The following SCLT1 variants were observed in gnomAD, a reference collection of about 807,000 sequenced individuals.
The protein encoded by SCLT1 is sodium channel-associated protein 1.
In SCLT1, 78 loss-of-function variants were observed where a neutral mutation model predicts 112.8. The ratio of observed to expected loss-of-function variants is 0.69; its 90% CI spans 0.58 to 0.83. SCLT1 has a LOEUF of 0.83. Among genes scored for constraint, SCLT1 ranks in the 40% least tolerant of loss-of-function variants. The pLI is 0.00. For missense variants in SCLT1, 747 were observed against 770.4 expected (o/e 0.97, Z 0.36); for synonymous variants, 257 against 254.7 (o/e 1.01, Z -0.09).
Position 128,897,945 on chromosome 4 carries a change from A to G in SCLT1, c.1830-6808T>C, listed in dbSNP as rs571120336. ...CAAAGAAGGCCATTACATAATGGTA[A>G]AGGGATCAACTCAACAAGAAGAGCT... On this transcript the variant is annotated intron_variant, in intron 18 of 20. Coordinates refer to ENST00000281142, the MANE Select transcript of SCLT1 (RefSeq NM_144643.4). Among the ~76,000 whole-genome samples, 291 of 152,336 alleles carry G rather than the reference A, an allele frequency of 1.9e-3. 1 individual carries two copies. Among genetic ancestry groups the G allele is most frequent in the Non-Finnish European group, 3.2e-3 (216 of 68,030 alleles).
At chr4:128,887,466 A>G (rs1039096770) in intron 20 of SCLT1, among the ~76,000 whole-genome samples, 3 of 152,150 alleles carry the variant, frequency 2.0e-5, no homozygotes, top group Admixed American at 1.3e-4. Flanking sequence ...TGGCTTTACT[A>G]TGTATAAAAT....
At chr4:128,943,340 G>A in intron 16 of SCLT1, 152 bp from the exon 17 acceptor site, 1 of 563,370 alleles carries the variant, frequency 1.8e-6, no homozygotes, top group Non-Finnish European at 3.0e-6. Context: ...GTTTCAAAAT[G>A]TTATGTTATA....
chr4:128,973,564 C>G (rs1411425509), intron 9 of SCLT1, among the ~76,000 whole-genome samples: 1 of 151,830 alleles, frequency 6.6e-6, no homozygotes, highest in Non-Finnish European at 1.5e-5. Flanking sequence ...ACAACTATAT[C>G]TTGATATTTT....
chr4:129,011,838 T>C (rs1262574380), intron 5 of SCLT1, among the ~76,000 whole-genome samples: 1 of 152,166 alleles, frequency 6.6e-6, no homozygotes, highest in Non-Finnish European at 1.5e-5. Flanking sequence ...GTGTTCATAA[T>C]ATTATTTGAT....
At chr4:129,044,721 T>C (rs987820643) in intron 2 of SCLT1, among the ~76,000 whole-genome samples, 2 of 151,624 alleles carry the variant, frequency 1.3e-5, no homozygotes, top group African/African-American at 2.4e-5. Context: ...TACAACTTCA[T>C]TGCACTCAAA....
chr4:129,008,743 TA>T (rs1474640008), intron 5 of SCLT1, among the ~76,000 whole-genome samples: 1 of 152,150 alleles, frequency 6.6e-6, no homozygotes, highest in Non-Finnish European at 1.5e-5. Flanking sequence ...AGGTTTGTTG[TA>T]CAGATTATTT....
intron 18 of SCLT1, among the ~76,000 whole-genome samples, chr4:128,896,977 A>C (rs1239567296): frequency 2.6e-5 from 4 of 152,184 alleles, no homozygotes; most frequent in African/African-American, 9.7e-5. Flanking sequence ...TTAGAGAAAA[A>C]AGAATAAAAA....
At position 129,093,181 on chromosome 4, in the gene SCLT1, C is replaced by T. The variant is rs1753010806; in HGVS notation, c.-78G>A. 1 of 1,366,962 alleles carries T rather than the reference C, an allele frequency of 7.3e-7. No homozygotes were observed. Among genetic ancestry groups the T allele is most frequent in the Non-Finnish European group, 1.0e-6 (1 of 956,604 alleles). 84.7% of individuals were successfully genotyped at this position (1,366,962 alleles called of 1,614,324 possible). On this transcript the variant is annotated 5_prime_UTR_variant, in exon 1 of 21. Transcript: ENST00000281142. The stretch of plus-strand genomic sequence containing the variant: ...ACAGAGAGCTTGCTGTGCGGGAAAA[C>T]AAAACTAAGCCAACGCTCGGTTGGT...
intron 16 of SCLT1, among the ~76,000 whole-genome samples, 165 bp downstream of exon 16, chr4:128,945,842 C>T (rs559764356): frequency 1.1e-4 from 16 of 151,888 alleles, no homozygotes; most frequent in African/African-American, 3.1e-4. Flanking sequence ...TGCAGAAATT[C>T]GCTTTCAGAA....
chr4:129,075,440 A>C (rs1751380177), intron 2 of SCLT1, among the ~76,000 whole-genome samples: 1 of 152,264 alleles, frequency 6.6e-6, no homozygotes, highest in East Asian at 1.9e-4. Flanking sequence ...TAAATCATCA[A>C]TCTCCTAGCA....
At chr4:129,013,864 T>A (rs1023483146) in intron 5 of SCLT1, among the ~76,000 whole-genome samples, 3 of 152,178 alleles carry the variant, frequency 2.0e-5, no homozygotes, top group African/African-American at 7.2e-5. Context: ...TCAAGCTAGG[T>A]TGGGTAAGTT....
Position 128,959,673 on chromosome 4 carries a change from T to C in SCLT1, c.974A>G (p.Glu325Gly). 1 of 1,613,504 alleles carries C rather than the reference T, an allele frequency of 6.2e-7. No individual in the cohort carries two copies. Among genetic ancestry groups the C allele is most frequent in the Non-Finnish European group, 8.5e-7 (1 of 1,179,582 alleles). The part of the protein sequence containing the change: ...LQAKCNELEN[E>G]RYEAIVRARN... ...GGCTCTTACAATAGCCTCATATCTC[T>C]CATTTTCTAATTCATTGCACTTTGC... Residue 325 changes from glutamate (E) to glycine (G), a missense_variant, in exon 12 of 21, where the codon GAG (glutamate) becomes GGG (glycine). By Grantham distance (98) the Glu-to-Gly change is moderately conservative. This residue lies in a region of SCLT1 where 723 missense variants were observed against 721.3 expected (regional missense o/e 1.00). Transcript: ENST00000281142.
rs116703606 is a variant in SCLT1 at position 129,010,971 on chromosome 4, G to A, written c.291-7095C>T. 9.6e-3 allele frequency among the ~76,000 whole-genome samples: 1,465 copies of A among 152,290 alleles called. 18 individuals are homozygous for A. Among genetic ancestry groups the A allele is most frequent in the African/African-American group, 0.028 (1,176 of 41,556 alleles). ...CAATACTATGTCAAATAGGAGTGGC[G>A]AGAAAGGGCATCCTTGTCTTGTGCC... On this transcript the variant is annotated intron_variant, in intron 5 of 20. Coordinates refer to ENST00000281142, the MANE Select transcript of SCLT1 (RefSeq NM_144643.4).
rs535071689 is a variant in SCLT1, at chr4:128,924,696, G to T, written c.1829+11959C>A. On this transcript the variant is annotated intron_variant, in intron 18 of 20. Transcript: ENST00000281142. Reference sequence around the variant, plus strand: ...ATATTTTATTGTTTTCCTTTTTTATGCTTAGGTCTATGATTCATTTCAGGT... The same window carrying T: ...ATATTTTATTGTTTTCCTTTTTTATTCTTAGGTCTATGATTCATTTCAGGT... 6.2e-4 allele frequency among the ~76,000 whole-genome samples: 94 copies of T among 152,028 alleles called. 1 individual carries two copies. Among genetic ancestry groups the T allele is most frequent in the African/African-American group, 2.2e-3 (90 of 41,468 alleles).
chr4:128,892,378 T>A (rs942232805), intron 18 of SCLT1, among the ~76,000 whole-genome samples: 5 of 152,332 alleles, frequency 3.3e-5, no homozygotes, highest in African/African-American at 1.2e-4. Flanking sequence ...GATTTCTGTA[T>A]CATTATTTCC....
chr4:128,975,229 C>T (rs570339000), intron 9 of SCLT1, among the ~76,000 whole-genome samples: 16 of 151,626 alleles, frequency 1.1e-4, no homozygotes, highest in African/African-American at 3.4e-4. Flanking sequence ...TCAGTAGAGA[C>T]GGGGTTTCAC....
intron 18 of SCLT1, among the ~76,000 whole-genome samples, chr4:128,894,427 G>T (rs1261866396): frequency 6.6e-6 from 1 of 151,040 alleles, no homozygotes; most frequent in African/African-American, 2.4e-5. Context: ...GTATATGTGT[G>T]TGTGTATGTG....
intron 18 of SCLT1, among the ~76,000 whole-genome samples, chr4:128,915,998 T>C (rs2125953550): frequency 6.6e-6 from 1 of 152,370 alleles, no homozygotes; most frequent in Middle Eastern, 3.4e-3. Flanking sequence ...TTTAGCAGAA[T>C]GCTTGGAGAA....
chr4:128,968,090 T>C (rs902057707), intron 10 of SCLT1, among the ~76,000 whole-genome samples: 1 of 152,214 alleles, frequency 6.6e-6, no homozygotes, highest in African/African-American at 2.4e-5. Context: ...TTTTGTTTAC[T>C]CATTGAGATT....
Sources: gnomAD v4.1 joint callset for allele counts (sites outside exome capture counted in the v4.1 genomes callset) on GRCh38, gnomAD v4.1.1 for gene constraint, gnomAD v4.1.1 regional missense constraint, MANE v1.5 for transcripts, NCBI Gene and HGNC (gene_info 2026-07-23, HGNC 2026-07-21) for gene names.